Variants in SORT1 observed in about 807,000 individuals in gnomAD.
SORT1 encodes sortilin.
A neutral mutation model predicts 101.7 loss-of-function variants in SORT1; 39 were observed. That is an observed-to-expected ratio of 0.38 (90% CI 0.30 to 0.50). SORT1 has a LOEUF of 0.50. Ranked by LOEUF, SORT1 falls within the 20% of genes least tolerant of loss-of-function variation. SORT1 has a pLI of 0.90. For missense variants in SORT1, 878 were observed against 1,040.4 expected, an observed-to-expected ratio of 0.84 and a Z score of 2.15; for synonymous variants, 396 against 393.7, an observed-to-expected ratio of 1.01 and a Z score of -0.07.
At chr1:109,338,295 C>T (rs1648974216) in intron 10 of SORT1, among the ~76,000 whole-genome samples, 1 of 151,946 alleles carries the variant, frequency 6.6e-6, no homozygotes, top group South Asian at 2.1e-4. Context: ...GGCAGGTGGA[C>T]AGTATGATGA....
chr1:109,355,641 A>ACC (rs529686433), intron 3 of SORT1, among the ~76,000 whole-genome samples, 172 bp from the exon 4 acceptor site: 49,147 of 84,308 alleles, frequency 0.58, 12,593 homozygotes, highest in East Asian at 0.85. Context: ...AGAACATTCC[A>ACC]CCCGCCCCCC....
chr1:109,336,464 G>C (rs372730662), intron 10 of SORT1, 118 bp from the exon 11 acceptor site: 1 of 682,394 alleles, frequency 1.5e-6, no homozygotes, highest in Admixed American at 2.3e-5. Flanking sequence ...CGACAAGCTT[G>C]TAACACCTCA....
chr1:109,397,824 G>C lies in SORT1; in HGVS notation c.69C>G (p.Leu23=). The C allele has an allele frequency of 4.7e-6, 6 of 1,287,446 alleles. No homozygotes were observed. The highest frequency in any genetic ancestry group is 6.0e-6 in the Non-Finnish European group (6 of 1,006,694). 79.8% of individuals were successfully genotyped at this position (1,287,446 alleles called of 1,614,324 possible). A position where few individuals can be genotyped will look rare whatever the true frequency, so the allele number is the denominator to read the frequency against. ...GGGTCGACGGCGGCAGCAGCTGCAG[G>C]AGGAGGAGGAGGCCGAGGCCATGGG... The part of the protein sequence containing the change: ...RWPHGLGLLL[L]LQLLPPSTLS... Residue 23 remains leucine, a synonymous_variant, in exon 1 of 20, where the codon CTC becomes CTG. Transcript: ENST00000256637.
chr1:109,383,654 T>G (rs1652394880), intron 1 of SORT1, among the ~76,000 whole-genome samples: 1 of 152,094 alleles, frequency 6.6e-6, no homozygotes, highest in South Asian at 2.1e-4. Flanking sequence ...CAAACTCCAG[T>G]GAGGCCTAGA....
chr1:109,385,027 G>C (rs1463284990), intron 1 of SORT1, among the ~76,000 whole-genome samples: 1 of 152,076 alleles, frequency 6.6e-6, no homozygotes, highest in Non-Finnish European at 1.5e-5. Flanking sequence ...GCAGTGAGCT[G>C]AGATCACAAC....
At chr1:109,337,028 A>G (rs1648881277) in intron 10 of SORT1, among the ~76,000 whole-genome samples, 1 of 152,190 alleles carries the variant, frequency 6.6e-6, no homozygotes, top group African/African-American at 2.4e-5. Flanking sequence ...GGACAAGGCC[A>G]TGACACTAGC....
chr1:109,376,371 A>G, intron 1 of SORT1, among the ~76,000 whole-genome samples: 1 of 151,200 alleles, frequency 6.6e-6, no homozygotes, highest in South Asian at 2.1e-4. Flanking sequence ...GAGAACTATG[A>G]TCTGACCCAG....
At chr1:109,371,637 T>A (rs1174194591) in intron 1 of SORT1, among the ~76,000 whole-genome samples, 1 of 152,208 alleles carries the variant, frequency 6.6e-6, no homozygotes, top group Non-Finnish European at 1.5e-5. Flanking sequence ...CAGACTGGCA[T>A]TACCCACATT....
rs747298902 is a variant in SORT1 at position 109,393,713 on chromosome 1, TA to T, written c.306+3873del. ...CTAAGAAGAGAGCATTTATAAATGA[TA>T]GCTAATTGCTGAGTGCTAATTATGT... On this transcript the variant is annotated intron_variant, in intron 1 of 19. Coordinates refer to ENST00000256637, the MANE Select transcript of SORT1 (RefSeq NM_002959.7). 6.6e-4 allele frequency among the ~76,000 whole-genome samples: 101 copies of T among 152,322 alleles called. No individual in the cohort carries two copies. In the Middle Eastern group the frequency reaches 0.014, roughly 21 times the overall value.
intron 3 of SORT1, among the ~76,000 whole-genome samples, chr1:109,362,660 A>G (rs1650799940): frequency 6.6e-6 from 1 of 152,218 alleles, no homozygotes; most frequent in African/African-American, 2.4e-5. Context: ...AAATAAAAAA[A>G]TCACAGAACT....
intron 1 of SORT1, among the ~76,000 whole-genome samples, chr1:109,373,802 G>A (rs963021622): frequency 6.6e-6 from 1 of 152,194 alleles, no homozygotes; most frequent in African/African-American, 2.4e-5. Context: ...ATCATCAGGT[G>A]GGTAGGTGCA....
intron 6 of SORT1, among the ~76,000 whole-genome samples, chr1:109,348,382 T>C (rs1014378957): frequency 4.0e-5 from 6 of 151,560 alleles, no homozygotes; most frequent in African/African-American, 1.5e-4. Flanking sequence ...TTATTCATAT[T>C]TAGACACTAA....
chr1:109,318,232 C>T (rs1236908816), intron 15 of SORT1, among the ~76,000 whole-genome samples: 2 of 151,332 alleles, frequency 1.3e-5, no homozygotes, highest in African/African-American at 4.9e-5. Flanking sequence ...TGGCTCACTG[C>T]AACCTCCGCC....
chr1:109,391,651 T>C (rs999510875), intron 1 of SORT1, among the ~76,000 whole-genome samples: 16 of 152,226 alleles, frequency 1.1e-4, no homozygotes, highest in African/African-American at 3.9e-4. Flanking sequence ...AAAATTTTCA[T>C]AGGTATGAGG....
chr1:109,380,411 A>C (rs1652146830), intron 1 of SORT1, among the ~76,000 whole-genome samples: 1 of 152,240 alleles, frequency 6.6e-6, no homozygotes, highest in African/African-American at 2.4e-5. Flanking sequence ...CTATGTAAAA[A>C]GTTTAAATTG....
intron 10 of SORT1, among the ~76,000 whole-genome samples, chr1:109,339,178 C>G (rs906517858): frequency 2.0e-5 from 3 of 152,088 alleles, no homozygotes; most frequent in Non-Finnish European, 2.9e-5. Flanking sequence ...CGCCCAGCGA[C>G]TCTGATACTT....
chr1:109,370,492 G>C (rs1158613305), intron 1 of SORT1, among the ~76,000 whole-genome samples: 1 of 152,036 alleles, frequency 6.6e-6, no homozygotes, highest in Non-Finnish European at 1.5e-5. Flanking sequence ...GGTAATAACT[G>C]CACTTGGCAA....
intron 6 of SORT1, among the ~76,000 whole-genome samples, chr1:109,350,545 T>C (rs980388551): frequency 1.3e-5 from 2 of 152,212 alleles, no homozygotes; most frequent in Admixed American, 6.5e-5. Flanking sequence ...ATGTTCTACA[T>C]GACTGAAATG....
chr1:109,342,543 T>C (rs1373503895), intron 8 of SORT1, among the ~76,000 whole-genome samples: 1 of 152,224 alleles, frequency 6.6e-6, no homozygotes. Flanking sequence ...TGATGACTAC[T>C]GCATAAAAGT....
Sources: allele counts gnomAD v4.1 joint callset (sites outside exome capture counted in the v4.1 genomes callset), GRCh38; gene constraint gnomAD v4.1.1; transcripts MANE v1.5; gene names NCBI Gene and HGNC (gene_info 2026-07-23, HGNC 2026-07-21).